Variants in CA9 observed in about 807,000 individuals in gnomAD.
The protein encoded by CA9 is CA-IX.
In CA9, 43 loss-of-function variants were observed where a neutral mutation model predicts 51.8. That is an observed-to-expected ratio of 0.83 (90% CI 0.65 to 1.07). The LOEUF (loss-of-function observed/expected upper bound fraction) is 1.07, where lower values mean the gene tolerates loss of function less well. Ranked by LOEUF, CA9 falls within the 50% of genes least tolerant of loss-of-function variation. The pLI, the probability that CA9 is intolerant of heterozygous loss-of-function variation, is 0.00. For missense variants in CA9, 574 were observed against 581.4 expected, an observed-to-expected ratio of 0.99 and a Z score of 0.13; for synonymous variants, 253 against 244.2, an observed-to-expected ratio of 1.04 and a Z score of -0.34.
intron 7 of CA9, 95 bp from the exon 8 acceptor site, chr9:35,679,759 G>A: frequency 2.5e-6 from 3 of 1,190,820 alleles, no homozygotes; most frequent in Non-Finnish European, 3.5e-6. Flanking sequence ...AGGAGCTGGA[G>A]GGTGGAGCCC....
intron 1 of CA9, chr9:35,674,696 A>G (rs2131834195): frequency 4.5e-6 from 1 of 221,892 alleles, no homozygotes; most frequent in East Asian, 1.1e-4. Context: ...GGAGAGTCAG[A>G]GAGTTTGAGG....
chr9:35,679,990 CT>C lies in CA9; in HGVS notation c.1203del (p.Glu402SerfsTer5), dbSNP rs751673884. The C allele has an allele frequency of 1.9e-5, 30 of 1,614,230 alleles. No individual in the cohort carries two copies. In the East Asian group the frequency reaches 5.8e-4, roughly 31 times the overall value. On this transcript the variant is annotated frameshift_variant, in exon 8 of 11. Coordinates refer to ENST00000378357, the MANE Select transcript of CA9 (RefSeq NM_001216.3). LOFTEE classifies it high-confidence loss of function. ...PAGVDSSPRAAEPVQLNSCLA... is the reference protein window; with the variant it reads ...PAGVDSSPRAXEPVQLNSCLA... ...GGAGTGGACAGCAGTCCTCGGGCTGCTGAGCCAGGTACAGCTTTGTCTGGTT... is the reference window on the plus strand; with the variant it reads ...GGAGTGGACAGCAGTCCTCGGGCTGCGAGCCAGGTACAGCTTTGTCTGGTT...
chr9:35,678,027 G>T (rs1292650412), intron 6 of CA9, among the ~76,000 whole-genome samples, 171 bp downstream of exon 6: 1 of 152,122 alleles, frequency 6.6e-6, no homozygotes, highest in Non-Finnish European at 1.5e-5. Flanking sequence ...ACAGTTACCC[G>T]CAAACGGCTG....
At chr9:35,677,998 A>G (rs1352521248) in intron 6 of CA9, 142 bp downstream of exon 6, 1 of 709,980 alleles carries the variant, frequency 1.4e-6, no homozygotes, top group Non-Finnish European at 2.5e-6. Context: ...TCTTGATAAT[A>G]ACCATGAAGC....
chr9:35,674,398 G>A (rs762183510), intron 1 of CA9, 36 bp downstream of exon 1: 3 of 1,575,700 alleles, frequency 1.9e-6, no homozygotes, highest in South Asian at 1.2e-5. Context: ...CAGGTTCCAG[G>A]AGGTTCATGA....
intron 2 of CA9, 22 bp downstream of exon 2, chr9:35,675,589 C>G (rs1397964979): frequency 3.1e-6 from 5 of 1,613,646 alleles, no homozygotes; most frequent in Non-Finnish European, 4.2e-6. Flanking sequence ...ACCCGCTGCA[C>G]AGACCCAATC....
Position 35,680,825 on chromosome 9 carries a change from G to A in CA9, c.1310G>A (p.Arg437Lys), listed in dbSNP as rs150012933. ...GTCGCGTTCCTTGTGCAGATGAGAA[G>A]GCAGCACAGGTATTACACTGACCCT... ...TSVAFLVQMR[R>K]QHRRGTKGGV... Residue 437 changes from arginine (R) to lysine (K), a missense_variant, in exon 10 of 11, where the codon AGG becomes AAG. Physicochemically the swap from Arg to Lys is conservative, Grantham distance 26. Coordinates refer to ENST00000378357, the MANE Select transcript of CA9 (RefSeq NM_001216.3). 6 of 1,614,056 alleles carry A rather than the reference G, an allele frequency of 3.7e-6. No homozygotes were observed. The African/African-American group carries it at 5.3e-5, about 14-fold the overall frequency.
In CA9 at chr9:35,679,228, G is replaced by GC; in HGVS notation, c.954dup (p.Ser319LeufsTer2). 6.2e-7 allele frequency: 1 copy of GC among 1,614,174 alleles called. No homozygotes were observed. The highest frequency in any genetic ancestry group is 2.2e-5 in the East Asian group (1 of 44,890). ...CAGGACTGGACATATCTGCACTCCT[G>GC]CCCTCTGACTTCAGCCGCTACTTCC... On this transcript the variant is annotated frameshift_variant, in exon 7 of 11. Coordinates refer to ENST00000378357, the MANE Select transcript of CA9 (RefSeq NM_001216.3). LOFTEE classifies it high-confidence loss of function.
At chr9:35,678,439 G>A (rs1316276528) in intron 6 of CA9, among the ~76,000 whole-genome samples, 1 of 151,418 alleles carries the variant, frequency 6.6e-6, no homozygotes, top group East Asian at 1.9e-4. Context: ...TCAAGGTCAA[G>A]TCTGGAGAGC....
At position 35,673,987 on chromosome 9, in the gene CA9, C is replaced by G. The variant is rs1462342930; in HGVS notation, c.28C>G (p.Leu10Val). Residue 10 changes from leucine (L) to valine (V), a missense_variant, in exon 1 of 11, where the codon CTC becomes GTC. Coordinates refer to ENST00000378357, the MANE Select transcript of CA9 (RefSeq NM_001216.3). MAPLCPSPW[L>V]PLLIPAPAPG... is the part of the protein sequence containing the mutation. Reference sequence around the variant, plus strand: ...GGCTCCCCTGTGCCCCAGCCCCTGGCTCCCTCTGTTGATCCCGGCCCCTGC... The same window carrying G: ...GGCTCCCCTGTGCCCCAGCCCCTGGGTCCCTCTGTTGATCCCGGCCCCTGC... 6.2e-7 allele frequency: 1 copy of G among 1,608,872 alleles called. No individual in the cohort carries two copies. Among genetic ancestry groups the G allele is most frequent in the East Asian group, 2.2e-5 (1 of 44,854 alleles).
intron 5 of CA9, among the ~76,000 whole-genome samples, chr9:35,676,622 G>A (rs957357918): frequency 3.9e-5 from 6 of 152,172 alleles, no homozygotes; most frequent in Admixed American, 6.5e-5. Context: ...CAGTGGGGGA[G>A]GCTGACATGA....
At chr9:35,680,284 G>T in intron 9 of CA9, 145 bp downstream of exon 9, 1 of 916,144 alleles carries the variant, frequency 1.1e-6, no homozygotes, top group East Asian at 2.5e-5. Context: ...GATCATGGTG[G>T]GGATTCCCCC....
Position 35,676,183 on chromosome 9 carries a change from G to A in CA9, c.724G>A (p.Glu242Lys), listed in dbSNP as rs1824418955. ...TCGTCCGGGCTCGGAGCACACTGTGGAAGGCCACCGTTTCCCTGCCGAGGT... is the reference window on the plus strand; with the variant it reads ...TCGTCCGGGCTCGGAGCACACTGTGAAAGGCCACCGTTTCCCTGCCGAGGT... ...AGRPGSEHTVEGHRFPAEIHV... is the reference protein window; with the variant it reads ...AGRPGSEHTVKGHRFPAEIHV... Residue 242 changes from glutamate (E) to lysine (K), a missense_variant, in exon 4 of 11, where the codon GAA becomes AAA. By Grantham distance (56) the Glu-to-Lys change is moderately conservative. Coordinates refer to ENST00000378357, the MANE Select transcript of CA9 (RefSeq NM_001216.3). The A allele has an allele frequency of 1.9e-6, 3 of 1,612,194 alleles. No homozygotes were observed. The highest frequency in any genetic ancestry group is 1.3e-5 in the African/African-American group (1 of 75,056).
At chr9:35,679,114 T>A in intron 6 of CA9, 71 bp from the exon 7 acceptor site, 1 of 1,545,726 alleles carries the variant, frequency 6.5e-7, no homozygotes, top group Non-Finnish European at 8.9e-7. Context: ...GAGGTGAAAC[T>A]GTATCCCTAT....
rs775194948 is a variant in CA9 at position 35,679,994 on chromosome 9, G to A, written c.1206G>A (p.Glu402=). The A allele has an allele frequency of 1.9e-6, 3 of 1,614,234 alleles. No homozygotes were observed. Among genetic ancestry groups the A allele is most frequent in the Non-Finnish European group, 2.5e-6 (3 of 1,180,050 alleles). ...AGVDSSPRAA[E]PVQLNSCLAA... Reference sequence around the variant, plus strand: ...TGGACAGCAGTCCTCGGGCTGCTGAGCCAGGTACAGCTTTGTCTGGTTTCC... The same window carrying A: ...TGGACAGCAGTCCTCGGGCTGCTGAACCAGGTACAGCTTTGTCTGGTTTCC... Residue 402 remains glutamate (E), a synonymous_variant, in exon 8 of 11, where the codon GAG becomes GAA. Transcript: ENST00000378357.
intron 1 of CA9, 149 bp downstream of exon 1, chr9:35,674,511 T>A: frequency 3.1e-6 from 2 of 635,884 alleles, no homozygotes; most frequent in South Asian, 2.3e-5. Flanking sequence ...AATATCCCCA[T>A]CCCCACTCTC....
At position 35,679,344 on chromosome 9, in the gene CA9, T is replaced by TG. The variant is rs753768298; in HGVS notation, c.1065+5dup. On this transcript the variant is annotated splice_region_variant and intron_variant, in intron 7 of 10. Coordinates refer to ENST00000378357, the MANE Select transcript of CA9 (RefSeq NM_001216.3). ...ACAGTGATGCTGAGTGCTAAGCAGG[T>TG]GGGCCTGGGGTGTGTGTGGACACAG... 1.3e-5 allele frequency: 21 copies of TG among 1,612,740 alleles called. No individual in the cohort carries two copies. The South Asian group carries it at 2.1e-4, about 16-fold the overall frequency.
rs1164815298 is a variant in CA9, at chr9:35,680,841, C to T, written c.1319+7C>T. The T allele has an allele frequency of 1.9e-6, 3 of 1,614,022 alleles. No individual in the cohort carries two copies. Among genetic ancestry groups the T allele is most frequent in the Non-Finnish European group, 2.5e-6 (3 of 1,179,830 alleles). ...AGATGAGAAGGCAGCACAGGTATTA[C>T]ACTGACCCTTTCTTCAGGCACAAGC... On this transcript the variant is annotated splice_region_variant and intron_variant, in intron 10 of 10. Coordinates refer to ENST00000378357, the MANE Select transcript of CA9 (RefSeq NM_001216.3).
chr9:35,679,634 T>G (rs1824490185), intron 7 of CA9, among the ~76,000 whole-genome samples: 1 of 152,136 alleles, frequency 6.6e-6, no homozygotes, highest in African/African-American at 2.4e-5. Flanking sequence ...GGTGGGAAGA[T>G]CGCTTGATTC....
Sources: allele counts gnomAD v4.1 joint callset (sites outside exome capture counted in the v4.1 genomes callset), GRCh38; gene constraint gnomAD v4.1.1; transcripts MANE v1.5; gene names NCBI Gene and HGNC (gene_info 2026-07-23, HGNC 2026-07-21).